The following ADAM9 variants were observed in gnomAD, a reference collection of about 807,000 sequenced individuals.
ADAM9 encodes disintegrin and metalloproteinase domain-containing protein 9.
Under a neutral mutation model 108.1 loss-of-function variants are expected in ADAM9, and 54 were observed. The ratio of observed to expected loss-of-function variants is 0.50; its 90% CI spans 0.40 to 0.63. ADAM9 has a LOEUF of 0.63. ADAM9 is among the 20% of genes least tolerant of loss of function. The probability of loss-of-function intolerance (pLI) is 0.00; values close to 1 mark genes in which losing one functional copy is unlikely to be tolerated. For missense variants in ADAM9, 830 were observed against 997.7 expected (o/e 0.83, Z 2.26); for synonymous variants, 316 against 336.0 (o/e 0.94, Z 0.65).
intron 11 of ADAM9, among the ~76,000 whole-genome samples, chr8:39,037,641 TC>T (rs1837328433): frequency 6.6e-6 from 1 of 151,856 alleles, no homozygotes; most frequent in African/African-American, 2.4e-5. Context: ...GGCCTTGAAT[TC>T]CTGGGCTCAA....
At chr8:39,064,954 G>C (rs1838409821) in intron 14 of ADAM9, among the ~76,000 whole-genome samples, 1 of 152,162 alleles carries the variant, frequency 6.6e-6, no homozygotes. Flanking sequence ...CTCTGAAAAA[G>C]CTTGGAGAAT....
rs1835846974 is a variant in ADAM9, at chr8:38,997,275, G to A, written c.97+115G>A. 3 of 1,257,042 alleles carry A rather than the reference G, an allele frequency of 2.4e-6. No individual in the cohort carries two copies. The East Asian group carries it at 7.6e-5, about 32-fold the overall frequency. 77.9% of individuals were successfully genotyped at this position (1,257,042 alleles called of 1,614,324 possible). A position where few individuals can be genotyped will look rare whatever the true frequency, so the allele number is the denominator to read the frequency against. ...GCCCGGCCTGGGGATCGGACCCGGG[G>A]TCGGGGGGCGCGGCCGCTCCAGGTG... On this transcript the variant is annotated intron_variant, in intron 1 of 21. Transcript: ENST00000487273.
chr8:39,022,706 A>AT (rs1480049152), intron 8 of ADAM9, among the ~76,000 whole-genome samples: 2 of 151,990 alleles, frequency 1.3e-5, no homozygotes, highest in African/African-American at 4.8e-5. Context: ...TTGAGAGGTT[A>AT]AAGTTTTATT....
At chr8:39,102,516 CA>C (rs1839731662) in intron 21 of ADAM9, among the ~76,000 whole-genome samples, 1 of 152,136 alleles carries the variant, frequency 6.6e-6, no homozygotes, top group Non-Finnish European at 1.5e-5. Context: ...CCCTGGCAAA[CA>C]TCTCAGGGTC....
chr8:39,065,211 T>TG (rs1423482505), intron 14 of ADAM9, among the ~76,000 whole-genome samples: 1 of 144,998 alleles, frequency 6.9e-6, no homozygotes, highest in Non-Finnish European at 1.5e-5. Flanking sequence ...TGTTTTTTTT[T>TG]GTTTTTTTTT....
At chr8:39,014,478 T>G in intron 4 of ADAM9, 1 of 676,450 alleles carries the variant, frequency 1.5e-6, no homozygotes, top group Non-Finnish European at 2.7e-6. Context: ...CTGAAAATAA[T>G]TGTTTCCTAA....
chr8:39,027,345 A>G (rs931699820), intron 11 of ADAM9, among the ~76,000 whole-genome samples: 14 of 152,210 alleles, frequency 9.2e-5, no homozygotes, highest in African/African-American at 3.4e-4. Context: ...TAAAGGTGGG[A>G]GGCAAGACAG....
At chr8:39,102,517 A>T (rs1317115842) in intron 21 of ADAM9, among the ~76,000 whole-genome samples, 1 of 152,186 alleles carries the variant, frequency 6.6e-6, no homozygotes, top group African/African-American at 2.4e-5. Context: ...CCTGGCAAAC[A>T]TCTCAGGGTC....
rs756262086 is a variant in ADAM9 at position 39,104,271 on chromosome 8, T to G, written c.*571T>G. ...CAAAAGAATGCACAAGAACCACAAT[T>G]AAGATGTCATATTATTTTGAAAGTA... On this transcript the variant is annotated 3_prime_UTR_variant, in exon 22 of 22. Transcript: ENST00000487273. The G allele has an allele frequency of 4.4e-6, 2 of 452,870 alleles. No individual in the cohort carries two copies. Among genetic ancestry groups the G allele is most frequent in the South Asian group, 3.1e-5 (2 of 64,240 alleles). 28.1% of individuals were successfully genotyped at this position (452,870 alleles called of 1,614,324 possible).
intron 3 of ADAM9, among the ~76,000 whole-genome samples, chr8:39,013,292 T>C (rs1412512133): frequency 6.6e-6 from 1 of 152,206 alleles, no homozygotes; most frequent in Non-Finnish European, 1.5e-5. Context: ...ATTTTTCTAA[T>C]GTAAATATGA....
chr8:39,061,024 T>G (rs1274318048), intron 14 of ADAM9, among the ~76,000 whole-genome samples: 1 of 152,256 alleles, frequency 6.6e-6, no homozygotes, highest in African/African-American at 2.4e-5. Context: ...AAGCTTATAA[T>G]AATCCACTAT....
chr8:39,102,022 G>C, intron 21 of ADAM9, 92 bp downstream of exon 21: 1 of 1,096,794 alleles, frequency 9.1e-7, no homozygotes, highest in Non-Finnish European at 1.4e-6. Context: ...GTAATTTAGT[G>C]AAAGGTATTT....
At chr8:39,090,775 A>G (rs900640991) in intron 19 of ADAM9, among the ~76,000 whole-genome samples, 1 of 152,182 alleles carries the variant, frequency 6.6e-6, no homozygotes, top group African/African-American at 2.4e-5. Flanking sequence ...CCCCATCTGC[A>G]TTTTTGAAGT....
At chr8:39,063,722 AAAAC>A (rs1000501100) in intron 14 of ADAM9, among the ~76,000 whole-genome samples, 2 of 152,322 alleles carry the variant, frequency 1.3e-5, no homozygotes, top group African/African-American at 2.4e-5. Context: ...ACTCTGTCTC[AAAAC>A]AAACAAACAA....
intron 20 of ADAM9, among the ~76,000 whole-genome samples, chr8:39,094,060 C>T (rs1159858839): frequency 6.6e-6 from 1 of 152,206 alleles, no homozygotes; most frequent in Non-Finnish European, 1.5e-5. Context: ...GCGTGAGCCA[C>T]CATGCCTGGC....
intron 21 of ADAM9, 28 bp from the exon 22 acceptor site, chr8:39,103,579 C>CAAT: frequency 6.3e-7 from 1 of 1,599,688 alleles, no homozygotes; most frequent in Non-Finnish European, 8.6e-7. Context: ...TCTAAACACT[C>CAAT]TATTAACTAT....
At chr8:39,022,595 C>G (rs1836782130) in intron 8 of ADAM9, among the ~76,000 whole-genome samples, 1 of 152,044 alleles carries the variant, frequency 6.6e-6, no homozygotes. Context: ...CCAGTTTTAC[C>G]AAAAACTTAA....
chr8:39,097,290 G>A (rs967086145), intron 20 of ADAM9, among the ~76,000 whole-genome samples: 3 of 151,158 alleles, frequency 2.0e-5, no homozygotes, highest in African/African-American at 7.3e-5. Flanking sequence ...AGGTGTCTGT[G>A]ATACTGTGGT....
chr8:39,052,761 C>A (rs1459907042), intron 12 of ADAM9, among the ~76,000 whole-genome samples: 3 of 152,058 alleles, frequency 2.0e-5, no homozygotes, highest in African/African-American at 7.2e-5. Flanking sequence ...TTTCATGAAG[C>A]CAACTGTCCT....
Sources: allele counts gnomAD v4.1 joint callset (sites outside exome capture counted in the v4.1 genomes callset), GRCh38; gene constraint gnomAD v4.1.1; transcripts MANE v1.5; gene names NCBI Gene and HGNC (gene_info 2026-07-23, HGNC 2026-07-21).